The following KIF16B variants were observed in gnomAD, a reference collection of about 807,000 sequenced individuals.
KIF16B encodes the protein kinesin-like protein KIF16B.
KIF16B carries 98 observed loss-of-function variants against 156.3 expected under a neutral mutation model. The ratio of observed to expected loss-of-function variants is 0.63; its 90% CI spans 0.53 to 0.74. The LOEUF (loss-of-function observed/expected upper bound fraction) is 0.74, where lower values mean the gene tolerates loss of function less well. Among genes scored for constraint, KIF16B ranks in the 30% least tolerant of loss-of-function variants. The pLI is 0.00. For missense variants in KIF16B, 1,421 were observed against 1,606.5 expected (o/e 0.88, Z 1.97); for synonymous variants, 564 against 583.7 (o/e 0.97, Z 0.49).
At chr20:16,319,693 G>A (rs552450708) in intron 24 of KIF16B, among the ~76,000 whole-genome samples, 1 of 152,162 alleles carries the variant, frequency 6.6e-6, no homozygotes, top group Non-Finnish European at 1.5e-5. Context: ...AATCTCTGAG[G>A]GGGGCCAGTC....
chr20:16,279,287 GTCT>G (rs1455946768), intron 25 of KIF16B, among the ~76,000 whole-genome samples: 43 of 152,316 alleles, frequency 2.8e-4, no homozygotes, highest in African/African-American at 1.0e-3. Context: ...AGCGCTTGGA[GTCT>G]CCTGGAACCA....
chr20:16,429,248 A>G (rs1398740747), intron 13 of KIF16B, among the ~76,000 whole-genome samples: 3 of 152,204 alleles, frequency 2.0e-5, no homozygotes, highest in Non-Finnish European at 4.4e-5. Flanking sequence ...TGCTCATGAC[A>G]GGAATATCAC....
intron 24 of KIF16B, among the ~76,000 whole-genome samples, chr20:16,323,724 A>G (rs1294243958): frequency 6.6e-6 from 1 of 151,900 alleles, no homozygotes; most frequent in Non-Finnish European, 1.5e-5. Context: ...CTGAAGTATC[A>G]GCTGACTGAA....
At chr20:16,440,432 G>A (rs763994123) in intron 12 of KIF16B, among the ~76,000 whole-genome samples, 1 of 151,948 alleles carries the variant, frequency 6.6e-6, no homozygotes, top group African/African-American at 2.4e-5. Context: ...AGGCACCTAT[G>A]ATGTCACTGA....
chr20:16,436,561 A>G (rs1042588782), intron 12 of KIF16B, among the ~76,000 whole-genome samples: 2 of 152,152 alleles, frequency 1.3e-5, no homozygotes, highest in African/African-American at 2.4e-5. Context: ...TGTTCCTCCA[A>G]TTTGAAGGTA....
intron 3 of KIF16B, among the ~76,000 whole-genome samples, chr20:16,521,354 C>A (rs1044576111): frequency 6.6e-6 from 1 of 151,768 alleles, no homozygotes; most frequent in Non-Finnish European, 1.5e-5. Context: ...AGACACAGCA[C>A]AAGAACTTCG....
At chr20:16,301,644 A>G (rs1169726508) in intron 25 of KIF16B, among the ~76,000 whole-genome samples, 2 of 151,942 alleles carry the variant, frequency 1.3e-5, no homozygotes, top group Admixed American at 6.6e-5. Flanking sequence ...ATGTCTGTCC[A>G]AGTCTTTTGC....
intron 1 of KIF16B, among the ~76,000 whole-genome samples, chr20:16,562,084 T>C (rs2071083008): frequency 6.6e-6 from 1 of 152,210 alleles, no homozygotes; most frequent in Non-Finnish European, 1.5e-5. Context: ...GGAAGTTCGG[T>C]GAAGAGTTTA....
rs748385467 is a variant in KIF16B, at chr20:16,507,943, C to T, written c.699+15G>A. 1.4e-5 allele frequency: 22 copies of T among 1,613,708 alleles called. No individual in the cohort carries two copies. The highest frequency in any genetic ancestry group is 3.3e-4 in the Middle Eastern group (2 of 6,038). On this transcript the variant is annotated intron_variant, in intron 7 of 25. Coordinates refer to ENST00000354981, the MANE Select transcript of KIF16B (RefSeq NM_024704.5). ...CCTCAGGGATGGAGCCAGCTGGTCC[C>T]GCAGCAGCCCTTACCTGAGTGAACT...
At position 16,573,395 on chromosome 20, in the gene KIF16B, T is replaced by C; in HGVS notation, c.-120A>G. ...TTCCCTCTCGCCCCCGCCCCTCTGC[T>C]CCCGGCCGGACCTGGAGTTCCGCGG... On this transcript the variant is annotated 5_prime_UTR_variant, in exon 1 of 26. Transcript: ENST00000354981. The C allele has an allele frequency of 8.8e-7, 1 of 1,131,220 alleles. No homozygotes were observed. Among genetic ancestry groups the C allele is most frequent in the Non-Finnish European group, 1.3e-6 (1 of 791,056 alleles). 70.1% of individuals were successfully genotyped at this position (1,131,220 alleles called of 1,614,324 possible).
chr20:16,352,630 C>T (rs943486225), intron 23 of KIF16B, among the ~76,000 whole-genome samples: 3 of 152,120 alleles, frequency 2.0e-5, no homozygotes, highest in African/African-American at 7.2e-5. Context: ...AATTGGAGCT[C>T]CCACACTGGG....
chr20:16,353,129 C>T (rs1251937493), intron 23 of KIF16B, among the ~76,000 whole-genome samples: 2 of 152,164 alleles, frequency 1.3e-5, no homozygotes, highest in Admixed American at 1.3e-4. Flanking sequence ...AAGCTTAAAA[C>T]TGAAGAGAAT....
At position 16,358,953 on chromosome 20, in the gene KIF16B, A is replaced by G. The variant is rs1004683662; in HGVS notation, c.3499-2501T>C. On this transcript the variant is annotated intron_variant, in intron 22 of 25. Transcript: ENST00000354981. The stretch of plus-strand genomic sequence containing the variant: ...ACACAGAGGGTCAGGCCTTGGGAAT[A>G]CAATATAACTTTTACAAAGTATTTG... Among the ~76,000 whole-genome samples, 49 of 152,248 alleles carry G rather than the reference A, an allele frequency of 3.2e-4. 1 individual carries two copies. The highest frequency in any genetic ancestry group is 1.1e-3 in the African/African-American group (46 of 41,460).
At chr20:16,350,860 T>A (rs1026077731) in intron 23 of KIF16B, among the ~76,000 whole-genome samples, 2 of 140,330 alleles carry the variant, frequency 1.4e-5, no homozygotes, top group African/African-American at 5.5e-5. Flanking sequence ...ATCCACTGGG[T>A]GACTGGTACC....
chr20:16,309,445 A>T (rs1176253638), intron 25 of KIF16B, among the ~76,000 whole-genome samples: 1 of 152,214 alleles, frequency 6.6e-6, no homozygotes, highest in Non-Finnish European at 1.5e-5. Flanking sequence ...TAAAAAAATT[A>T]ATCTCCAAAA....
At chr20:16,464,490 T>C (rs747028787) in intron 12 of KIF16B, among the ~76,000 whole-genome samples, 3 of 152,216 alleles carry the variant, frequency 2.0e-5, no homozygotes, top group Non-Finnish European at 4.4e-5. Flanking sequence ...AAAAGTGACA[T>C]AAATTTTATT....
intron 12 of KIF16B, among the ~76,000 whole-genome samples, chr20:16,442,931 C>T (rs1333729969): frequency 2.0e-5 from 3 of 152,194 alleles, no homozygotes; most frequent in African/African-American, 7.2e-5. Flanking sequence ...CTGCCCATGG[C>T]AAGGCACGCT....
intron 17 of KIF16B, among the ~76,000 whole-genome samples, chr20:16,383,480 A>G (rs1387735167): frequency 9.2e-5 from 14 of 152,226 alleles, no homozygotes; most frequent in Non-Finnish European, 1.5e-5. Context: ...TGACAAATGG[A>G]AATAATCTGT....
At chr20:16,480,343 TAGAC>T (rs908037346) in intron 12 of KIF16B, among the ~76,000 whole-genome samples, 7 of 152,112 alleles carry the variant, frequency 4.6e-5, no homozygotes, top group Admixed American at 4.6e-4. Context: ...GAGTCTTTCT[TAGAC>T]AGAAGAAATC....
Sources: gnomAD v4.1 joint callset for allele counts (sites outside exome capture counted in the v4.1 genomes callset) on GRCh38, gnomAD v4.1.1 for gene constraint, MANE v1.5 for transcripts, NCBI Gene and HGNC (gene_info 2026-07-23, HGNC 2026-07-21) for gene names.